The following TRIM62 variants were observed in gnomAD, a reference collection of about 807,000 sequenced individuals.
The protein encoded by TRIM62 is E3 ubiquitin-protein ligase TRIM62.
In TRIM62, 39 loss-of-function variants were observed where a neutral mutation model predicts 44.2. The observed-to-expected ratio is 0.88, with a 90% CI of 0.68 to 1.15. TRIM62 has a LOEUF of 1.15. TRIM62 is among the 50% of genes most tolerant of loss of function. The probability of loss-of-function intolerance (pLI) is 0.00; values close to 1 mark genes in which losing one functional copy is unlikely to be tolerated. For synonymous variants in TRIM62, 278 were observed against 292.3 expected (o/e 0.95, Z 0.50); for missense variants, 544 against 665.5 (o/e 0.82, Z 2.01).
chr1:33,146,315 G>T lies in TRIM62; in HGVS notation c.*862C>A. 5.8e-6 allele frequency: 1 copy of T among 172,984 alleles called. No homozygotes were observed. The highest frequency in any genetic ancestry group is 1.2e-5 in the Non-Finnish European group (1 of 80,144). The allele number at this position is 172,984 out of a possible 1,614,324, so 10.7% of individuals were successfully genotyped here. On this transcript the variant is annotated 3_prime_UTR_variant, in exon 5 of 5. Coordinates refer to ENST00000291416, the MANE Select transcript of TRIM62 (RefSeq NM_018207.3). ...AGCCAACAGCCCCTCCCAGTGCTTG[G>T]GTCCTAATTACAACAACTGCTTCTG...
chr1:33,173,405 G>T (rs1196863742), intron 1 of TRIM62, among the ~76,000 whole-genome samples: 1 of 152,204 alleles, frequency 6.6e-6, no homozygotes, highest in Non-Finnish European at 1.5e-5. Flanking sequence ...ATGTGTGTGT[G>T]TGAGCTTGTG....
At position 33,172,333 on chromosome 1, in the gene TRIM62, G is replaced by A. The variant is rs74377051; in HGVS notation, c.409-6767C>T. On this transcript the variant is annotated intron_variant, in intron 1 of 4. Coordinates refer to ENST00000291416, the MANE Select transcript of TRIM62 (RefSeq NM_018207.3). Reference sequence around the variant, plus strand: ...CCTTCAAGTCTCCAGGATGGGCCAGGGCATTGCAGGTGGGGAGAACAGGTT... The same window carrying A: ...CCTTCAAGTCTCCAGGATGGGCCAGAGCATTGCAGGTGGGGAGAACAGGTT... 3.2e-3 allele frequency among the ~76,000 whole-genome samples: 483 copies of A among 152,280 alleles called. 19 individuals are homozygous for A. In the East Asian group the frequency reaches 0.083, roughly 26 times the overall value.
At position 33,157,803 on chromosome 1, in the gene TRIM62, C is replaced by G. The variant is rs572980060; in HGVS notation, c.877+450G>C. Among the ~76,000 whole-genome samples, 13 of 151,864 alleles carry G rather than the reference C, an allele frequency of 8.6e-5. No homozygotes were observed. In the South Asian group the frequency reaches 2.5e-3, roughly 29 times the overall value. ...ATGGAGTCTTGCTCTGTTGCCCAGG[C>G]TGGAGTGCAGTGGCTCAGTCTCAGC... On this transcript the variant is annotated intron_variant, in intron 4 of 4. Coordinates refer to ENST00000291416, the MANE Select transcript of TRIM62 (RefSeq NM_018207.3).
chr1:33,155,058 A>T (rs1403764539), intron 4 of TRIM62, among the ~76,000 whole-genome samples: 3 of 139,824 alleles, frequency 2.1e-5, no homozygotes, highest in African/African-American at 7.8e-5. Context: ...GCGCCACTGC[A>T]CTCCAGCCTG....
chr1:33,166,698 G>A (rs1442296116), intron 1 of TRIM62, among the ~76,000 whole-genome samples: 2 of 152,098 alleles, frequency 1.3e-5, no homozygotes, highest in African/African-American at 4.8e-5. Flanking sequence ...TTGATGCCAG[G>A]TGACACGTTT....
chr1:33,161,711 G>A lies in TRIM62; in HGVS notation c.505-1767C>T, dbSNP rs1274222299. ...GTTGCTGATGGGGAAGATGGGGTCC[G>A]TCGTCCCTGCACCACCTGGAGCTGC... On this transcript the variant is annotated intron_variant, in intron 2 of 4. Transcript: ENST00000291416. The surrounding 1 kb of genome is among the most constrained non-coding windows in gnomAD (Gnocchi z 4.3). Among the ~76,000 whole-genome samples, 6 of 152,154 alleles carry A rather than the reference G, an allele frequency of 3.9e-5. No individual in the cohort carries two copies. The highest frequency in any genetic ancestry group is 2.1e-4 in the South Asian group (1 of 4,830).
In TRIM62 at chr1:33,147,754, G is replaced by C; in HGVS notation, c.878-27C>G. On this transcript the variant is annotated intron_variant, in intron 4 of 4. Coordinates refer to ENST00000291416, the MANE Select transcript of TRIM62 (RefSeq NM_018207.3). This position sits in a 1 kb window ranked among gnomAD's most constrained non-coding sequence, Gnocchi z 8.1. ...TGTGGGGGTTGGAGGAGGGAGAGAA[G>C]ATGAGTGGGGAGAAGGCTGTGGACC... The C allele has an allele frequency of 1.9e-6, 3 of 1,595,260 alleles. No homozygotes were observed. Among genetic ancestry groups the C allele is most frequent in the Admixed American group, 1.7e-5 (1 of 59,188 alleles).
rs1337567419 is a variant in TRIM62 at position 33,181,358 on chromosome 1, G to T, written c.75C>A (p.Gly25=). 1 of 1,594,642 alleles carries T rather than the reference G, an allele frequency of 6.3e-7. No individual in the cohort carries two copies. The highest frequency in any genetic ancestry group is 1.1e-5 in the South Asian group (1 of 88,512). Residue 25 remains glycine, a synonymous_variant, in exon 1 of 5, where the codon GGC becomes GGA. Coordinates refer to ENST00000291416, the MANE Select transcript of TRIM62 (RefSeq NM_018207.3). The surrounding 1 kb of genome is among the most constrained non-coding windows in gnomAD (Gnocchi z 6.5). ...LSIYQDPVSL[G]CEHYFCRRCI... is the part of the protein sequence containing the mutation. The stretch of plus-strand genomic sequence containing the variant: ...AGCGGCGGCAGAAGTAATGCTCGCA[G>T]CCCAGGCTCACCGGGTCCTGGTAGA...
In TRIM62 at chr1:33,161,280, CAG is replaced by C. The variant is rs1570316560; in HGVS notation, c.505-1338_505-1337del. Among the ~76,000 whole-genome samples, 1 of 152,128 alleles carries C rather than the reference CAG, an allele frequency of 6.6e-6. No individual in the cohort carries two copies. Among genetic ancestry groups the C allele is most frequent in the Non-Finnish European group, 1.5e-5 (1 of 68,028 alleles). ...GATGGGCAGGATGTCAGTTGGGGGT[CAG>C]GGGAACAGGCAGAGGGAGCCGCATG... is the stretch of plus-strand genomic sequence containing the variant. On this transcript the variant is annotated intron_variant, in intron 2 of 4. Transcript: ENST00000291416. This position sits in a 1 kb window ranked among gnomAD's most constrained non-coding sequence, Gnocchi z 4.3.
chr1:33,174,399 G>T (rs944009692), intron 1 of TRIM62, among the ~76,000 whole-genome samples: 2 of 152,088 alleles, frequency 1.3e-5, no homozygotes, highest in African/African-American at 4.8e-5. Flanking sequence ...GCCCACACTG[G>T]TCTCGAACTT....
At chr1:33,169,224 C>G (rs1331521618) in intron 1 of TRIM62, among the ~76,000 whole-genome samples, 1 of 152,118 alleles carries the variant, frequency 6.6e-6, no homozygotes, top group Admixed American at 6.5e-5. Flanking sequence ...AGATCCCAAA[C>G]TTGCTCCTCT....
chr1:33,175,001 G>GTATTTATATGTA (rs56292337), intron 1 of TRIM62, among the ~76,000 whole-genome samples: 34,431 of 135,362 alleles, frequency 0.25, 5,112 homozygotes, highest in East Asian at 0.31. Flanking sequence ...ACACACACAT[G>GTATTTATATGTA]TATGTATATG....
chr1:33,170,100 C>A (rs977259836), intron 1 of TRIM62, among the ~76,000 whole-genome samples: 2 of 152,112 alleles, frequency 1.3e-5, no homozygotes, highest in African/African-American at 2.4e-5. Context: ...GAGGCTGAGA[C>A]CTTTGGATCA....
chr1:33,176,632 A>T (rs144547675), intron 1 of TRIM62: 50 of 506,582 alleles, frequency 9.9e-5, no homozygotes, highest in Non-Finnish European at 1.6e-4. Flanking sequence ...GCTGGCACAG[A>T]TGGCCTAGCC....
intron 1 of TRIM62, among the ~76,000 whole-genome samples, chr1:33,170,072 C>T (rs1001258951): frequency 2.0e-5 from 3 of 152,118 alleles, no homozygotes; most frequent in African/African-American, 7.2e-5. Context: ...ACCTGTAATC[C>T]CAACCCTTTG....
chr1:33,157,479 C>T (rs1279329217), intron 4 of TRIM62, among the ~76,000 whole-genome samples: 5 of 152,176 alleles, frequency 3.3e-5, no homozygotes, highest in Admixed American at 2.6e-4. Flanking sequence ...TCTCACCTTT[C>T]CCAGCCCCCT....
chr1:33,181,355 G>T lies in TRIM62; in HGVS notation c.78C>A (p.Cys26Ter). ...SIYQDPVSLG[C>*]EHYFCRRCIT... ...TGCAGCGGCGGCAGAAGTAATGCTC[G>T]CAGCCCAGGCTCACCGGGTCCTGGT... The change falls in exon 1 of 5, where the codon TGC (cysteine) becomes TGA (stop). Residue 26 changes from cysteine to a stop codon, truncating the protein, a stop_gained. Coordinates refer to ENST00000291416, the MANE Select transcript of TRIM62 (RefSeq NM_018207.3). LOFTEE classifies it high-confidence loss of function. This position sits in a 1 kb window ranked among gnomAD's most constrained non-coding sequence, Gnocchi z 6.5. 6.3e-7 allele frequency: 1 copy of T among 1,592,376 alleles called. No homozygotes were observed. Among genetic ancestry groups the T allele is most frequent in the Non-Finnish European group, 8.5e-7 (1 of 1,172,922 alleles).
intron 4 of TRIM62, among the ~76,000 whole-genome samples, chr1:33,156,727 C>T (rs1242664113): frequency 6.6e-6 from 1 of 152,200 alleles, no homozygotes; most frequent in Non-Finnish European, 1.5e-5. Context: ...GCTGGCTTGT[C>T]ATCCCTACTG....
At chr1:33,168,513 C>T (rs1645348141) in intron 1 of TRIM62, among the ~76,000 whole-genome samples, 1 of 152,202 alleles carries the variant, frequency 6.6e-6, no homozygotes, top group South Asian at 2.1e-4. Flanking sequence ...ACACAATCAG[C>T]TCTCAGGAGC....
Sources: gnomAD v4.1 joint callset for allele counts (sites outside exome capture counted in the v4.1 genomes callset) on GRCh38, gnomAD v4.1.1 for gene constraint, Gnocchi (gnomAD v3.1) non-coding constraint, MANE v1.5 for transcripts, NCBI Gene and HGNC (gene_info 2026-07-23, HGNC 2026-07-21) for gene names.